Variants in RAB2A observed in about 807,000 individuals in gnomAD.
RAB2A encodes the protein RAB2A, member RAS oncogene family.
RAB2A carries 7 observed loss-of-function variants against 32.5 expected under a neutral mutation model. The observed-to-expected ratio is 0.22, with a 90% CI of 0.12 to 0.40. The LOEUF (loss-of-function observed/expected upper bound fraction) is 0.40, where lower values mean the gene tolerates loss of function less well. Among genes scored for constraint, RAB2A ranks in the 10% least tolerant of loss-of-function variants. The pLI is 1.00. For missense variants in RAB2A, 108 were observed against 260.7 expected, an observed-to-expected ratio of 0.41 and a Z score of 4.03; for synonymous variants, 79 against 85.2, an observed-to-expected ratio of 0.93 and a Z score of 0.40.
At position 60,577,774 on chromosome 8, in the gene RAB2A, C is replaced by T. The variant is rs967008176; in HGVS notation, c.186+5661C>T. Among the ~76,000 whole-genome samples the T allele has an allele frequency of 3.3e-5, 5 of 151,490 alleles. No individual in the cohort carries two copies. The East Asian group carries it at 7.7e-4, about 23-fold the overall frequency. ...CTGAGTAGCTGGGACTACAGGTGCC[C>T]GCCACCACGCCCGGCTAATTTTTTT... is the stretch of plus-strand genomic sequence containing the variant. On this transcript the variant is annotated intron_variant, in intron 3 of 7. Transcript: ENST00000262646.
chr8:60,607,892 G>C (rs1044708866), intron 6 of RAB2A, among the ~76,000 whole-genome samples: 2 of 152,010 alleles, frequency 1.3e-5, no homozygotes, highest in African/African-American at 4.8e-5. Flanking sequence ...TTGATTCTTG[G>C]CTCCCAGCAT....
chr8:60,596,045 G>A (rs1804016855), intron 6 of RAB2A, among the ~76,000 whole-genome samples: 1 of 152,068 alleles, frequency 6.6e-6, no homozygotes, highest in African/African-American at 2.4e-5. Flanking sequence ...ACCAATTTGT[G>A]GAAAATAGCT....
At chr8:60,595,265 A>G (rs1804004233) in intron 6 of RAB2A, among the ~76,000 whole-genome samples, 1 of 152,250 alleles carries the variant, frequency 6.6e-6, no homozygotes, top group Non-Finnish European at 1.5e-5. Context: ...ATAAACAAGT[A>G]ACCACTGTCT....
chr8:60,594,101 A>G (rs1803984550), intron 6 of RAB2A, among the ~76,000 whole-genome samples: 1 of 152,226 alleles, frequency 6.6e-6, no homozygotes, highest in Non-Finnish European at 1.5e-5. Context: ...AATTGAGGAA[A>G]CAAATGAACA....
chr8:60,603,882 A>T (rs1804179165), intron 6 of RAB2A, among the ~76,000 whole-genome samples: 1 of 152,238 alleles, frequency 6.6e-6, no homozygotes, highest in African/African-American at 2.4e-5. Context: ...AGAGAGGGAG[A>T]GGGAGGAGAA....
In RAB2A at chr8:60,607,614, A is replaced by T. The variant is rs187849641; in HGVS notation, c.475-10966A>T. ...TGTCTTTTTGACCAGAGCTTCCCAA[A>T]TACTAATGTACACTTAAGAATTCTG... is the stretch of plus-strand genomic sequence containing the variant. On this transcript the variant is annotated intron_variant, in intron 6 of 7. Transcript: ENST00000262646. Among the ~76,000 whole-genome samples, 40 of 152,154 alleles carry T rather than the reference A, an allele frequency of 2.6e-4. No homozygotes were observed. In the East Asian group the frequency reaches 7.7e-3, roughly 29 times the overall value.
At chr8:60,574,151 A>G (rs1332221949) in intron 3 of RAB2A, among the ~76,000 whole-genome samples, 1 of 152,122 alleles carries the variant, frequency 6.6e-6, no homozygotes, top group East Asian at 1.9e-4. Flanking sequence ...TTTTCCATTT[A>G]AGGCAACTAA....
At chr8:60,565,676 A>ATTTTTT (rs71252885) in intron 2 of RAB2A, among the ~76,000 whole-genome samples, 1 of 97,672 alleles carries the variant, frequency 1.0e-5, no homozygotes, top group Non-Finnish European at 2.1e-5. Flanking sequence ...TCTGTAGCTG[A>ATTTTTT]TTTTTTTTTT....
At chr8:60,602,274 ATT>A (rs1179844713) in intron 6 of RAB2A, among the ~76,000 whole-genome samples, 1 of 152,174 alleles carries the variant, frequency 6.6e-6, no homozygotes, top group East Asian at 1.9e-4. Flanking sequence ...CCGTGTAGAC[ATT>A]TTGAGTCTTA....
intron 6 of RAB2A, 27 bp downstream of exon 6, chr8:60,591,996 C>A: frequency 2.3e-6 from 3 of 1,291,490 alleles, no homozygotes; most frequent in East Asian, 4.6e-5. Context: ...TTAAAATCTT[C>A]ATCTTTATAC....
At chr8:60,530,162 T>TGA (rs1157633045) in intron 1 of RAB2A, among the ~76,000 whole-genome samples, 3 of 142,934 alleles carry the variant, frequency 2.1e-5, no homozygotes, top group Admixed American at 6.8e-5. Context: ...TTTTTTTTTT[T>TGA]GAGAGAGAGA....
chr8:60,619,139 A>G (rs1292198201), intron 7 of RAB2A: 1 of 126,898 alleles, frequency 7.9e-6, no homozygotes, highest in Admixed American at 7.2e-5. Context: ...GACTAAATTC[A>G]TATATATATA....
chr8:60,554,629 G>A (rs1304825668), intron 1 of RAB2A, among the ~76,000 whole-genome samples: 4 of 152,302 alleles, frequency 2.6e-5, no homozygotes, highest in South Asian at 4.1e-4. Flanking sequence ...GATAATCACT[G>A]ACTAATTTAT....
chr8:60,517,092 G>A lies in RAB2A; in HGVS notation c.-116G>A. On this transcript the variant is annotated 5_prime_UTR_variant, in exon 1 of 8. Transcript: ENST00000262646. Reference sequence around the variant, plus strand: ...ACTCCCGGCGGCTGACAGCAGCAGCGGCGGCGGCGGGCGGCGCCTGGCGTT... The same window carrying A: ...ACTCCCGGCGGCTGACAGCAGCAGCAGCGGCGGCGGGCGGCGCCTGGCGTT... 81 of 1,032,586 alleles carry A rather than the reference G, an allele frequency of 7.8e-5. No homozygotes were observed. Among genetic ancestry groups the A allele is most frequent in the Non-Finnish European group, 9.3e-5 (70 of 756,300 alleles). The allele number at this position is 1,032,586 out of a possible 1,614,324, so 64.0% of individuals were successfully genotyped here. A position where few individuals can be genotyped will look rare whatever the true frequency, so the allele number is the denominator to read the frequency against.
chr8:60,517,990 T>C lies in RAB2A; in HGVS notation c.46+737T>C, dbSNP rs117561526. Among the ~76,000 whole-genome samples the C allele has an allele frequency of 4.5e-3, 683 of 152,242 alleles. 3 individuals carry two copies. Among genetic ancestry groups the C allele is most frequent in the Non-Finnish European group, 6.9e-3 (471 of 68,014 alleles). ...AAAGTCGTTCAGTGCTCTGGGTGTG[T>C]ACTTAGGTATGTGTATGTTGAGGAC... On this transcript the variant is annotated intron_variant, in intron 1 of 7. Coordinates refer to ENST00000262646, the MANE Select transcript of RAB2A (RefSeq NM_002865.3).
Position 60,517,002 on chromosome 8 carries a change from T to G in RAB2A, c.-206T>G. 2.1e-6 allele frequency: 1 copy of G among 468,268 alleles called. No individual in the cohort carries two copies. The highest frequency in any genetic ancestry group is 3.8e-6 in the Non-Finnish European group (1 of 264,368). 29.0% of individuals were successfully genotyped at this position (468,268 alleles called of 1,614,324 possible). ...GGCGGCTGTTATTGTTCGGCTGGGC[T>G]CGGTCGGGCGCTGTCTCCCTCGGCT... On this transcript the variant is annotated 5_prime_UTR_variant, in exon 1 of 8. Transcript: ENST00000262646.
At chr8:60,585,163 CCTT>C (rs1273555869) in intron 5 of RAB2A, among the ~76,000 whole-genome samples, 1 of 152,120 alleles carries the variant, frequency 6.6e-6, no homozygotes, top group Non-Finnish European at 1.5e-5. Context: ...TATGGGAAAA[CCTT>C]CTTGCTTGAC....
chr8:60,592,120 A>G (rs1803953668), intron 6 of RAB2A, 151 bp downstream of exon 6: 8 of 465,336 alleles, frequency 1.7e-5, no homozygotes, highest in Non-Finnish European at 3.2e-5. Flanking sequence ...CCCTTGTAAC[A>G]TTCACCTTCT....
rs75184726 is a variant in RAB2A at position 60,592,575 on chromosome 8, A to C, written c.474+606A>C. 7.8e-4 allele frequency among the ~76,000 whole-genome samples: 118 copies of C among 152,246 alleles called. No individual in the cohort carries two copies. The Middle Eastern group carries it at 0.01, about 13-fold the overall frequency. Reference sequence around the variant, plus strand: ...CCACATCACCACTTCTGCTTAAAGTATTCTATTATTGCTGTGTAACATTTT... The same window carrying C: ...CCACATCACCACTTCTGCTTAAAGTCTTCTATTATTGCTGTGTAACATTTT... On this transcript the variant is annotated intron_variant, in intron 6 of 7. Transcript: ENST00000262646.
Sources: allele counts gnomAD v4.1 joint callset (sites outside exome capture counted in the v4.1 genomes callset), GRCh38; gene constraint gnomAD v4.1.1; transcripts MANE v1.5; gene names NCBI Gene and HGNC (gene_info 2026-07-23, HGNC 2026-07-21).